Variants in LILRA1 observed in about 807,000 individuals in gnomAD.
The protein encoded by LILRA1 is leukocyte immunoglobulin like receptor A1, also known as leukocyte immunoglobulin-like receptor subfamily A member 1.
LILRA1 carries 51 observed loss-of-function variants against 51.6 expected under a neutral mutation model. That is an observed-to-expected ratio of 0.99 (90% confidence interval 0.79 to 1.25). The LOEUF (loss-of-function observed/expected upper bound fraction) is 1.25. LILRA1 is among the 50% of genes most tolerant of loss of function. LILRA1 has a pLI of 0.00. For missense variants in LILRA1, 660 were observed against 611.7 expected (o/e 1.08, Z -0.83); for synonymous variants, 305 against 248.4 (o/e 1.23, Z -2.14).
rs756886821 is a variant in LILRA1, at chr19:54,594,834, G to T, written c.240G>T (p.Lys80Asn). The stretch of plus-strand genomic sequence containing the variant: ...GGATCCCACAGGAGATTGTGAAGAA[G>T]GGCCAGTTCCCCATCCCATCCATCA... ...ITRIPQEIVK[K>N]GQFPIPSITW... The change falls in exon 4 of 10, where the codon AAG (lysine) becomes AAT (asparagine). Residue 80 changes from lysine to asparagine, a missense_variant. Lys to Asn is a moderately conservative substitution (Grantham distance 94). Transcript: ENST00000251372. 8 of 1,614,140 alleles carry T rather than the reference G, an allele frequency of 5.0e-6. No individual in the cohort carries two copies. Among genetic ancestry groups the T allele is most frequent in the Non-Finnish European group, 6.8e-6 (8 of 1,179,992 alleles).
chr19:54,600,977 T>C lies in LILRA1; in HGVS notation c.*160T>C. 1 of 783,596 alleles carries C rather than the reference T, an allele frequency of 1.3e-6. No individual in the cohort carries two copies. 48.5% of individuals were successfully genotyped at this position (783,596 alleles called of 1,614,324 possible). On this transcript the variant is annotated 3_prime_UTR_variant, in exon 10 of 10. Transcript: ENST00000251372. ...CATTTTTAGAGGGAGGAATCAGTGTTGGATTGCAGAGACATTTTCTGGAGT... is the reference window on the plus strand; with the variant it reads ...CATTTTTAGAGGGAGGAATCAGTGTCGGATTGCAGAGACATTTTCTGGAGT...
chr19:54,598,332 C>A (rs763557090), intron 7 of LILRA1, among the ~76,000 whole-genome samples: 2 of 152,044 alleles, frequency 1.3e-5, no homozygotes, highest in African/African-American at 2.4e-5. Context: ...TGTAGACATC[C>A]ATTTTTCATT....
rs767694917 is a variant in LILRA1 at position 54,599,299 on chromosome 19, A to C, written c.1312+13A>C. ...GATTCCAAGGCTGGTGAGTGAGGAG[A>C]TGCTTGCCGTGATGACGCTGGGCAC... On this transcript the variant is annotated intron_variant, in intron 8 of 9. Coordinates refer to ENST00000251372, the MANE Select transcript of LILRA1 (RefSeq NM_006863.4). 2.1e-5 allele frequency: 33 copies of C among 1,560,978 alleles called. No homozygotes were observed. Among genetic ancestry groups the C allele is most frequent in the Non-Finnish European group, 2.8e-5 (32 of 1,147,290 alleles).
intron 7 of LILRA1, among the ~76,000 whole-genome samples, chr19:54,598,940 CGCCCG>C (rs2063113980): frequency 5.9e-5 from 9 of 151,956 alleles, no homozygotes; most frequent in African/African-American, 2.2e-4. Context: ...GGATTACAGG[CGCCCG>C]CCACCATGCC....
intron 4 of LILRA1, 68 bp from the exon 5 acceptor site, chr19:54,595,032 C>T: frequency 6.2e-7 from 1 of 1,600,882 alleles, no homozygotes; most frequent in Non-Finnish European, 8.5e-7. Context: ...CTCCCTCTCA[C>T]AGCCCAGCCC....
intron 7 of LILRA1, among the ~76,000 whole-genome samples, chr19:54,597,449 T>C (rs145316186): frequency 6.6e-6 from 1 of 151,498 alleles, no homozygotes; most frequent in Non-Finnish European, 1.5e-5. Context: ...CACTGTCTCA[T>C]GTACATAACA....
rs1408144329 is a variant in LILRA1, at chr19:54,596,319, T to C, written c.1089T>C (p.Ala363=). 3 of 1,614,118 alleles carry C rather than the reference T, an allele frequency of 1.9e-6. No homozygotes were observed. The highest frequency in any genetic ancestry group is 2.5e-6 in the Non-Finnish European group (3 of 1,180,010). The change falls in exon 7 of 10, where the codon GCT becomes GCC. Residue 363 remains alanine, a synonymous_variant. Coordinates refer to ENST00000251372, the MANE Select transcript of LILRA1 (RefSeq NM_006863.4). ...HTFLLTKAGA[A]DAPLRLRSIH... Reference sequence around the variant, plus strand: ...TCCTTCTGACCAAGGCGGGAGCAGCTGATGCCCCCCTCCGTCTCAGATCAA... The same window carrying C: ...TCCTTCTGACCAAGGCGGGAGCAGCCGATGCCCCCCTCCGTCTCAGATCAA...
In LILRA1 at chr19:54,595,172, A is replaced by G. The variant is rs758917013; in HGVS notation, c.431A>G (p.His144Arg). The G allele has an allele frequency of 6.2e-7, 1 of 1,614,032 alleles. No individual in the cohort carries two copies. The highest frequency in any genetic ancestry group is 8.5e-7 in the Non-Finnish European group (1 of 1,179,990). Reference protein sequence around the residue: ...VVTSGGNVTLHCVSQVAFGSF... With the variant: ...VVTSGGNVTLRCVSQVAFGSF... ...ACCTCAGGAGGGAACGTGACCCTCC[A>G]TTGTGTCTCACAGGTGGCATTTGGC... Residue 144 changes from histidine (H) to arginine (R), a missense_variant, in exon 5 of 10, where the codon CAT becomes CGT. Physicochemically the swap from His to Arg is conservative, Grantham distance 29. Coordinates refer to ENST00000251372, the MANE Select transcript of LILRA1 (RefSeq NM_006863.4).
At chr19:54,599,627 T>C (rs1266097344) in intron 8 of LILRA1, 56 of 993,798 alleles carry the variant, frequency 5.6e-5, no homozygotes, top group Non-Finnish European at 6.3e-5. Flanking sequence ...ATTTTACTTC[T>C]TTATTTCTAA....
intron 7 of LILRA1, among the ~76,000 whole-genome samples, chr19:54,598,522 G>C (rs2063106050): frequency 6.6e-6 from 1 of 152,092 alleles, no homozygotes; most frequent in Admixed American, 6.6e-5. Flanking sequence ...TGGGCCTGGG[G>C]GGTTCATGCC....
In LILRA1 at chr19:54,595,186, G is replaced by A. The variant is rs150789645; in HGVS notation, c.445G>A (p.Val149Met). 2.8e-4 allele frequency: 449 copies of A among 1,614,146 alleles called. 4 individuals are homozygous for A. The African/African-American group carries it at 5.0e-3, about 18-fold the overall frequency. ...CGTGACCCTCCATTGTGTCTCACAG[G>A]TGGCATTTGGCAGCTTCATTCTGTG... is the stretch of plus-strand genomic sequence containing the variant. ...GNVTLHCVSQ[V>M]AFGSFILCKE... is the part of the protein sequence containing the mutation. The change falls in exon 5 of 10, where the codon GTG becomes ATG. Residue 149 changes from valine to methionine, a missense_variant. Coordinates refer to ENST00000251372, the MANE Select transcript of LILRA1 (RefSeq NM_006863.4).
intron 7 of LILRA1, 64 bp downstream of exon 7, chr19:54,596,555 G>C: frequency 6.2e-7 from 1 of 1,603,140 alleles, no homozygotes; most frequent in Non-Finnish European, 8.5e-7. Flanking sequence ...CCCCCCAGGA[G>C]AGCTCTGGAC....
chr19:54,599,600 C>T (rs1161226248), intron 8 of LILRA1: 3 of 1,076,560 alleles, frequency 2.8e-6, no homozygotes, highest in Non-Finnish European at 1.1e-6. Flanking sequence ...TTTGTATAAA[C>T]CGTAAGACAA....
chr19:54,598,436 C>T (rs1472670740), intron 7 of LILRA1, among the ~76,000 whole-genome samples: 2 of 152,114 alleles, frequency 1.3e-5, no homozygotes, highest in Middle Eastern at 3.4e-3. Context: ...ATGGCCCGAG[C>T]GAAACTGACT....
At chr19:54,600,458 A>G in intron 8 of LILRA1, 54 bp from the exon 9 acceptor site, 1 of 1,583,276 alleles carries the variant, frequency 6.3e-7, no homozygotes, top group South Asian at 1.1e-5. Flanking sequence ...ATAAGAATGC[A>G]GAGCCCAGGG....
In LILRA1 at chr19:54,600,528, C is replaced by T. The variant is rs755467490; in HGVS notation, c.1329C>T (p.Leu443=). 4 of 1,614,166 alleles carry T rather than the reference C, an allele frequency of 2.5e-6. No homozygotes were observed. The highest frequency in any genetic ancestry group is 3.4e-6 in the Non-Finnish European group (4 of 1,180,026). ...TATTCTCAGGAGCAGCTAACACCCTCAGCCCATCACAAAACAAGACTGGTG... is the reference window on the plus strand; with the variant it reads ...TATTCTCAGGAGCAGCTAACACCCTTAGCCCATCACAAAACAAGACTGGTG... ...SDSKAGAANT[L]SPSQNKTASH... is the part of the protein sequence containing the mutation. The change falls in exon 9 of 10, where the codon CTC becomes CTT. Residue 443 remains leucine, a synonymous_variant. Coordinates refer to ENST00000251372, the MANE Select transcript of LILRA1 (RefSeq NM_006863.4).
At position 54,595,502 on chromosome 19, in the gene LILRA1, T is replaced by A. The variant is rs537240128; in HGVS notation, c.661+100T>A. ...CTCAGGGCAGCTCCAGGTGGGATGATGTTGGGGCGAGAGGGCTCAGGGCTC... is the reference window on the plus strand; with the variant it reads ...CTCAGGGCAGCTCCAGGTGGGATGAAGTTGGGGCGAGAGGGCTCAGGGCTC... On this transcript the variant is annotated intron_variant, in intron 5 of 9. Coordinates refer to ENST00000251372, the MANE Select transcript of LILRA1 (RefSeq NM_006863.4). 9.7e-6 allele frequency: 15 copies of A among 1,540,144 alleles called. No individual in the cohort carries two copies. The Admixed American group carries it at 2.0e-4, about 21-fold the overall frequency.
Position 54,594,703 on chromosome 19 carries a change from T to G in LILRA1, c.109T>G (p.Ser37Ala). The change falls in exon 4 of 10, where the codon TCT (serine) becomes GCT (alanine). Residue 37 changes from serine to alanine, a missense_variant. Physicochemically the swap from Ser to Ala is moderately conservative, Grantham distance 99. Transcript: ENST00000251372. ...GCCCACACTCTGGGCTGAGCCAGGCTCTGTGATCACCCAGGGGAGTCCCGT... is the reference window on the plus strand; with the variant it reads ...GCCCACACTCTGGGCTGAGCCAGGCGCTGTGATCACCCAGGGGAGTCCCGT... Reference protein sequence around the residue: ...PKPTLWAEPGSVITQGSPVTL... With the variant: ...PKPTLWAEPGAVITQGSPVTL... 1 of 1,613,690 alleles carries G rather than the reference T, an allele frequency of 6.2e-7. No homozygotes were observed. The highest frequency in any genetic ancestry group is 8.5e-7 in the Non-Finnish European group (1 of 1,179,806).
At chr19:54,600,366 A>C (rs2063141901) in intron 8 of LILRA1, 146 bp from the exon 9 acceptor site, 1 of 723,260 alleles carries the variant, frequency 1.4e-6, no homozygotes, top group Non-Finnish European at 2.3e-6. Flanking sequence ...TAATTCAATA[A>C]GGACACTGGA....
Sources: allele counts gnomAD v4.1 joint callset (sites outside exome capture counted in the v4.1 genomes callset), GRCh38; gene constraint gnomAD v4.1.1; transcripts MANE v1.5; gene names NCBI Gene and HGNC (gene_info 2026-07-23, HGNC 2026-07-21).